The following NCK2 variants were observed in gnomAD, a reference collection of about 807,000 sequenced individuals.
NCK2 encodes cytoplasmic protein NCK2.
Under a neutral mutation model 33.9 loss-of-function variants are expected in NCK2, and 16 were observed. That is an observed-to-expected ratio of 0.47 (90% CI 0.32 to 0.72). The LOEUF (loss-of-function observed/expected upper bound fraction) is 0.72, where lower values mean the gene tolerates loss of function less well. NCK2 is among the 30% of genes least tolerant of loss of function. The pLI is 0.03. For missense variants in NCK2, 418 were observed against 537.3 expected (o/e 0.78, Z 2.19); for synonymous variants, 273 against 239.9 (o/e 1.14, Z -1.27).
rs116920222 is a variant in NCK2 at position 105,842,129 on chromosome 2, A to G, written c.-16-12919A>G. On this transcript the variant is annotated intron_variant, in intron 2 of 4. Coordinates refer to ENST00000233154, the MANE Select transcript of NCK2 (RefSeq NM_003581.5). ...TGAGCCGGAGTTTCTCTCGTTTCCC[A>G]GGCTGGAGTGCAATGGCGCGACCTC... Among the ~76,000 whole-genome samples the G allele has an allele frequency of 6.0e-4, 91 of 151,294 alleles. 1 individual carries two copies. In the East Asian group the frequency reaches 0.016, roughly 27 times the overall value.
intron 3 of NCK2, 143 bp downstream of exon 3, chr2:105,855,432 G>A: frequency 1.6e-6 from 1 of 644,640 alleles, no homozygotes; most frequent in South Asian, 2.2e-5. Context: ...AATAATCTAA[G>A]AATTAAGAGA....
At chr2:105,855,334 G>A in intron 3 of NCK2, 45 bp downstream of exon 3, 1 of 1,446,104 alleles carries the variant, frequency 6.9e-7, no homozygotes, top group Non-Finnish European at 9.4e-7. Context: ...GCATTTCAAG[G>A]GACACTGTTC....
intron 1 of NCK2, among the ~76,000 whole-genome samples, chr2:105,763,003 T>C (rs1185509639): frequency 6.6e-6 from 1 of 152,170 alleles, no homozygotes; most frequent in Admixed American, 6.5e-5. Flanking sequence ...GAAACCAGCC[T>C]GGGCAACACA....
chr2:105,844,760 A>ATG (rs968124032), intron 2 of NCK2, among the ~76,000 whole-genome samples: 1 of 146,522 alleles, frequency 6.8e-6, no homozygotes, highest in African/African-American at 2.5e-5. Flanking sequence ...ATATATATAT[A>ATG]TATATATATG....
At chr2:105,866,495 G>T (rs1348430740) in intron 3 of NCK2, among the ~76,000 whole-genome samples, 1 of 152,208 alleles carries the variant, frequency 6.6e-6, no homozygotes, top group Admixed American at 6.5e-5. Flanking sequence ...GGCAGGAGGT[G>T]GGGGCGATGG....
chr2:105,775,878 T>C (rs1690282136), intron 1 of NCK2, among the ~76,000 whole-genome samples: 1 of 152,184 alleles, frequency 6.6e-6, no homozygotes, highest in Non-Finnish European at 1.5e-5. Flanking sequence ...TTGGAATAGC[T>C]GGTCATCAAA....
At chr2:105,844,159 A>G (rs1309590676) in intron 2 of NCK2, among the ~76,000 whole-genome samples, 1 of 151,908 alleles carries the variant, frequency 6.6e-6, no homozygotes, top group East Asian at 1.9e-4. Context: ...GGGTGGGGGG[A>G]CATTCTTTAA....
intron 3 of NCK2, among the ~76,000 whole-genome samples, chr2:105,858,013 T>TG (rs1491189173): frequency 4.6e-5 from 7 of 151,352 alleles, no homozygotes; most frequent in South Asian, 4.2e-4. Flanking sequence ...TTTGTGTGTG[T>TG]TTGTGTTTTG....
chr2:105,773,708 A>G (rs553934897), intron 1 of NCK2, among the ~76,000 whole-genome samples: 1 of 152,180 alleles, frequency 6.6e-6, no homozygotes, highest in Admixed American at 6.6e-5. Flanking sequence ...CAACTATTTG[A>G]GCACCTACTC....
At chr2:105,888,354 C>T (rs1678803623) in intron 4 of NCK2, among the ~76,000 whole-genome samples, 1 of 152,100 alleles carries the variant, frequency 6.6e-6, no homozygotes, top group Non-Finnish European at 1.5e-5. Flanking sequence ...AGAATTTGCC[C>T]AGTAGTCAGC....
intron 2 of NCK2, among the ~76,000 whole-genome samples, chr2:105,824,052 A>T (rs1348796119): frequency 1.3e-5 from 2 of 152,092 alleles, no homozygotes; most frequent in Non-Finnish European, 2.9e-5. Flanking sequence ...CCTTACAGGG[A>T]TGTGGCCAGG....
intron 1 of NCK2, among the ~76,000 whole-genome samples, chr2:105,814,863 C>T (rs1436876993): frequency 6.6e-6 from 1 of 152,214 alleles, no homozygotes; most frequent in Admixed American, 6.5e-5. Flanking sequence ...CAATTCCTTG[C>T]ATTTGCCTGT....
intron 3 of NCK2, among the ~76,000 whole-genome samples, chr2:105,880,936 ATTTTTTTT>A (rs59005322): frequency 2.2e-4 from 23 of 103,558 alleles, no homozygotes; most frequent in African/African-American, 7.3e-4. Context: ...CAGGTGGCTA[ATTTTTTTT>A]TTTTTTTTTT....
At position 105,756,285 on chromosome 2, in the gene NCK2, T is replaced by G. The variant is rs962963562; in HGVS notation, c.-201+11147T>G. 1.2e-4 allele frequency among the ~76,000 whole-genome samples: 18 copies of G among 152,334 alleles called. No homozygotes were observed. The East Asian group carries it at 3.5e-3, about 29-fold the overall frequency. ...TGTTTCTAGGATAAACACGAAATCA[T>G]CACTTTGCATAATTTTGAGCTTTCC... On this transcript the variant is annotated intron_variant, in intron 1 of 4. Transcript: ENST00000233154.
intron 2 of NCK2, among the ~76,000 whole-genome samples, chr2:105,823,915 G>A (rs1025076164): frequency 2.6e-5 from 4 of 151,966 alleles, no homozygotes; most frequent in Non-Finnish European, 4.4e-5. Context: ...TGACCTTCCC[G>A]TGTGAAGGTC....
intron 3 of NCK2, among the ~76,000 whole-genome samples, chr2:105,880,540 A>G (rs757031471): frequency 1.7e-4 from 26 of 152,272 alleles, no homozygotes; most frequent in African/African-American, 4.8e-4. Flanking sequence ...AGGCAGCGGC[A>G]AGGCAGCTGG....
chr2:105,855,117 C>G lies in NCK2; in HGVS notation c.54C>G (p.Asp18Glu). ...AGTGGGACTACACCGCCCAGCAGGA[C>G]CAGGAGCTGGACATCAAGAAGAACG... ...IAKWDYTAQQ[D>E]QELDIKKNER... Residue 18 changes from aspartate (D) to glutamate (E), a missense_variant, in exon 3 of 5, where the codon GAC becomes GAG. Asp to Glu is a conservative substitution (Grantham distance 45). Coordinates refer to ENST00000233154, the MANE Select transcript of NCK2 (RefSeq NM_003581.5). 6.2e-7 allele frequency: 1 copy of G among 1,614,162 alleles called. No homozygotes were observed. Among genetic ancestry groups the G allele is most frequent in the Non-Finnish European group, 8.5e-7 (1 of 1,180,020 alleles).
intron 1 of NCK2, among the ~76,000 whole-genome samples, chr2:105,765,774 C>T (rs1689914914): frequency 6.7e-6 from 1 of 148,170 alleles, no homozygotes; most frequent in African/African-American, 2.6e-5. Flanking sequence ...ACAGATACAG[C>T]TTAGAATAGG....
intron 1 of NCK2, among the ~76,000 whole-genome samples, chr2:105,795,403 C>T (rs1691044338): frequency 6.6e-6 from 1 of 152,036 alleles, no homozygotes; most frequent in Non-Finnish European, 1.5e-5. Context: ...GTAACTTAAT[C>T]ATGATATTGA....
Sources: allele counts gnomAD v4.1 joint callset (sites outside exome capture counted in the v4.1 genomes callset), GRCh38; gene constraint gnomAD v4.1.1; transcripts MANE v1.5; gene names NCBI Gene and HGNC (gene_info 2026-07-23, HGNC 2026-07-21).